The following SEC14L5 variants were observed in gnomAD, a reference collection of about 807,000 sequenced individuals.
SEC14L5 encodes SEC14 like lipid binding 5.
SEC14L5 carries 96 observed loss-of-function variants against 84.6 expected under a neutral mutation model. The observed-to-expected ratio is 1.13, with a 90% confidence interval of 0.96 to 1.34. SEC14L5 has a LOEUF of 1.34. Among genes scored for constraint, SEC14L5 ranks in the 40% most tolerant of loss-of-function variants. The pLI is 0.00. For missense variants in SEC14L5, 1,224 were observed against 942.5 expected, an observed-to-expected ratio of 1.30 and a Z score of -3.91; for synonymous variants, 546 against 383.4, an observed-to-expected ratio of 1.42 and a Z score of -4.95.
intron 3 of SEC14L5, 67 bp downstream of exon 3, chr16:4,987,773 C>T (rs1243056990): frequency 1.7e-6 from 2 of 1,201,532 alleles, no homozygotes; most frequent in African/African-American, 1.6e-5. Flanking sequence ...GGGCTGGGCG[C>T]GGGAGCTGGG....
chr16:4,959,002 T>C (rs1421154138), intron 1 of SEC14L5, among the ~76,000 whole-genome samples: 3 of 135,968 alleles, frequency 2.2e-5, no homozygotes, highest in Non-Finnish European at 3.2e-5. Context: ...GTAAGGCTTC[T>C]GGGGGCCCTC....
rs1371341312 is a variant in SEC14L5, at chr16:5,008,600, C to T, written c.1752C>T (p.Tyr584=). 5 of 1,604,966 alleles carry T rather than the reference C, an allele frequency of 3.1e-6. No individual in the cohort carries two copies. The highest frequency in any genetic ancestry group is 4.5e-5 in the East Asian group (2 of 44,840). ...IDKGWVLGRD[Y]SRVEAPLVCR... ...AAGGCTGGGTCCTGGGCAGGGATTA[C>T]AGCCGTGTGGAGGCTCCCCTTGTCT... The change falls in exon 14 of 16, where the codon TAC becomes TAT. Residue 584 remains tyrosine, a synonymous_variant. Coordinates refer to ENST00000251170, the MANE Select transcript of SEC14L5 (RefSeq NM_014692.2).
chr16:5,014,680 G>A (rs141540046), intron 15 of SEC14L5, among the ~76,000 whole-genome samples, 179 bp from the exon 16 acceptor site: 5 of 152,348 alleles, frequency 3.3e-5, no homozygotes, highest in Non-Finnish European at 7.3e-5. Context: ...CTGGGGAGAT[G>A]GGAGTGTGGG....
At chr16:4,988,124 C>T (rs771716808) in intron 3 of SEC14L5, 25 bp from the exon 4 acceptor site, 3 of 1,612,058 alleles carry the variant, frequency 1.9e-6, no homozygotes, top group African/African-American at 1.3e-5. Context: ...CACCCACCTC[C>T]GCCTCCCCGC....
rs1446264484 is a variant in SEC14L5, at chr16:5,016,958, T to G, written c.*1988T>G. On this transcript the variant is annotated 3_prime_UTR_variant, in exon 16 of 16. Transcript: ENST00000251170. ...GATTGGAAGGAGACGTTCTCAAAAC[T>G]AATTGCTCCCATATCACCAGGCATT... The G allele has an allele frequency of 6.6e-6, 1 of 152,254 alleles. No individual in the cohort carries two copies. The highest frequency in any genetic ancestry group is 1.5e-5 in the Non-Finnish European group (1 of 68,048). The allele number at this position is 152,254 out of a possible 1,614,324, so 9.4% of individuals were successfully genotyped here.
intron 15 of SEC14L5, 50 bp from the exon 16 acceptor site, chr16:5,014,809 G>A (rs1473161129): frequency 7.0e-7 from 1 of 1,435,200 alleles, no homozygotes; most frequent in Non-Finnish European, 9.8e-7. Flanking sequence ...GTCAGCCCAA[G>A]GGCCTTGTCA....
intron 11 of SEC14L5, 39 bp downstream of exon 11, chr16:5,003,612 TGGGTGGGATGGGAG>T: frequency 7.7e-6 from 1 of 130,378 alleles, no homozygotes. Context: ...TCCCTGGGGG[TGGGTGGGATGGGAG>T]GGGTTCCGTC....
At chr16:4,990,519 G>C (rs1226597010) in intron 4 of SEC14L5, among the ~76,000 whole-genome samples, 1 of 152,248 alleles carries the variant, frequency 6.6e-6, no homozygotes, top group African/African-American at 2.4e-5. Flanking sequence ...TGAAAGGGCA[G>C]GGCTGCAGAT....
intron 2 of SEC14L5, among the ~76,000 whole-genome samples, chr16:4,966,562 C>T (rs576727492): frequency 1.3e-5 from 2 of 152,302 alleles, no homozygotes; most frequent in African/African-American, 2.4e-5. Context: ...GCGTGAGCCA[C>T]CGTGCCCAGC....
At chr16:5,010,099 C>A (rs890041443) in intron 14 of SEC14L5, among the ~76,000 whole-genome samples, 1 of 147,212 alleles carries the variant, frequency 6.8e-6, no homozygotes, top group African/African-American at 2.5e-5. Flanking sequence ...TCCCAGCACT[C>A]TGGGAGGCCG....
rs1206047332 is a variant in SEC14L5, at chr16:4,967,194, C to T, written c.63+7808C>T. Among the ~76,000 whole-genome samples, 5 of 152,186 alleles carry T rather than the reference C, an allele frequency of 3.3e-5. No homozygotes were observed. The East Asian group carries it at 7.7e-4, about 23-fold the overall frequency. On this transcript the variant is annotated intron_variant, in intron 2 of 15. Transcript: ENST00000251170. ...CAAGGTGTGGGCAGGCCCACACTCCCTCTGGAGGCTCTAGAAGGGGATCTG... is the reference window on the plus strand; with the variant it reads ...CAAGGTGTGGGCAGGCCCACACTCCTTCTGGAGGCTCTAGAAGGGGATCTG...
At chr16:4,981,942 G>A (rs1203837969) in intron 2 of SEC14L5, among the ~76,000 whole-genome samples, 2 of 152,116 alleles carry the variant, frequency 1.3e-5, no homozygotes, top group African/African-American at 2.4e-5. Context: ...TGGGTCCAGC[G>A]TGGCTGAGAT....
intron 2 of SEC14L5, among the ~76,000 whole-genome samples, chr16:4,962,577 A>G (rs764975915): frequency 1.3e-5 from 2 of 149,462 alleles, no homozygotes; most frequent in African/African-American, 2.4e-5. Context: ...AATCCCAGCT[A>G]TTCGGGAGGC....
intron 6 of SEC14L5, among the ~76,000 whole-genome samples, chr16:4,993,183 T>C (rs994868371): frequency 1.3e-5 from 2 of 152,074 alleles, no homozygotes; most frequent in Non-Finnish European, 2.9e-5. Context: ...GCTGGGACTA[T>C]ATAGGCACAG....
At chr16:4,997,108 TATTA>T in intron 8 of SEC14L5, 64 bp downstream of exon 8, 1 of 1,228,992 alleles carries the variant, frequency 8.1e-7, no homozygotes, top group Non-Finnish European at 1.1e-6. Context: ...GCACTTTATT[TATTA>T]TTTTGAGATG....
chr16:4,975,962 G>C (rs533174647), intron 2 of SEC14L5, among the ~76,000 whole-genome samples: 3 of 152,314 alleles, frequency 2.0e-5, no homozygotes, highest in Non-Finnish European at 2.9e-5. Context: ...ACGTTTTGGC[G>C]TAAGTGGCAT....
chr16:5,008,621 T>C lies in SEC14L5; in HGVS notation c.1773T>C (p.Leu591=), dbSNP rs1342305672. The stretch of plus-strand genomic sequence containing the variant: ...ATTACAGCCGTGTGGAGGCTCCCCT[T>C]GTCTGCCGGGAGGGGGAGAGCATCC... ...GRDYSRVEAP[L]VCREGESIQG... Residue 591 remains leucine, a synonymous_variant, in exon 14 of 16, where the codon CTT becomes CTC. Coordinates refer to ENST00000251170, the MANE Select transcript of SEC14L5 (RefSeq NM_014692.2). 1 of 1,605,642 alleles carries C rather than the reference T, an allele frequency of 6.2e-7. No homozygotes were observed. Among genetic ancestry groups the C allele is most frequent in the South Asian group, 1.1e-5 (1 of 89,710 alleles).
rs115006768 is a variant in SEC14L5 at position 5,016,529 on chromosome 16, C to A, written c.*1559C>A. On this transcript the variant is annotated 3_prime_UTR_variant, in exon 16 of 16. Coordinates refer to ENST00000251170, the MANE Select transcript of SEC14L5 (RefSeq NM_014692.2). ...CGCCAGTCCCTACCCCATTGACTTGCGCCCAGCCCACATTACACATCCTCA... is the reference window on the plus strand; with the variant it reads ...CGCCAGTCCCTACCCCATTGACTTGAGCCCAGCCCACATTACACATCCTCA... The A allele has an allele frequency of 5.9e-5, 9 of 152,208 alleles. No individual in the cohort carries two copies. Among genetic ancestry groups the A allele is most frequent in the Non-Finnish European group, 1.2e-4 (8 of 68,046 alleles). The allele number at this position is 152,208 out of a possible 1,614,324, so 9.4% of individuals were successfully genotyped here. A position where few individuals can be genotyped will look rare whatever the true frequency, so the allele number is the denominator to read the frequency against.
At position 4,996,471 on chromosome 16, in the gene SEC14L5, G is replaced by C; in HGVS notation, c.780+11G>C. ...ACCCACAAAGGCAAGGTGGGTGCAG[G>C]GGGTACCCTGGAGCAGTGGATGAAT... On this transcript the variant is annotated intron_variant, in intron 7 of 15. Coordinates refer to ENST00000251170, the MANE Select transcript of SEC14L5 (RefSeq NM_014692.2). The C allele has an allele frequency of 2.1e-6, 3 of 1,462,748 alleles. No homozygotes were observed. Among genetic ancestry groups the C allele is most frequent in the Non-Finnish European group, 2.8e-6 (3 of 1,064,538 alleles). 90.6% of individuals were successfully genotyped at this position (1,462,748 alleles called of 1,614,324 possible).
Sources: gnomAD v4.1 joint callset for allele counts (sites outside exome capture counted in the v4.1 genomes callset) on GRCh38, gnomAD v4.1.1 for gene constraint, MANE v1.5 for transcripts, NCBI Gene and HGNC (gene_info 2026-07-23, HGNC 2026-07-21) for gene names.